CREB5: variants seen among roughly 807,000 people sequenced by gnomAD.
CREB5 encodes cyclic AMP-responsive element-binding protein 5.
Under a neutral mutation model 57.1 loss-of-function variants are expected in CREB5, and 19 were observed. That is an observed-to-expected ratio of 0.33 (90% CI 0.23 to 0.49). The LOEUF is 0.49. CREB5 is among the 20% of genes least tolerant of loss of function. The probability of loss-of-function intolerance (pLI) is 0.99; values close to 1 mark genes in which losing one functional copy is unlikely to be tolerated. For synonymous variants in CREB5, 238 were observed against 238.3 expected, an observed-to-expected ratio of 1.00 and a Z score of 0.01; for missense variants, 579 against 671.6, an observed-to-expected ratio of 0.86 and a Z score of 1.52.
chr7:28,327,072 C>T (rs1034568343), intron 1 of CREB5, among the ~76,000 whole-genome samples: 1 of 148,418 alleles, frequency 6.7e-6, no homozygotes, highest in Non-Finnish European at 1.5e-5. Flanking sequence ...TCATTTAAAC[C>T]TGGGAGGCAG....
chr7:28,647,696 T>G (rs1204766013), intron 5 of CREB5, among the ~76,000 whole-genome samples: 1 of 152,210 alleles, frequency 6.6e-6, no homozygotes, highest in Non-Finnish European at 1.5e-5. Flanking sequence ...ATTTCTTTAA[T>G]GTAGGTCAGC....
chr7:28,482,086 C>T (rs975905865), intron 1 of CREB5, among the ~76,000 whole-genome samples: 2 of 152,216 alleles, frequency 1.3e-5, no homozygotes, highest in Non-Finnish European at 2.9e-5. Flanking sequence ...CATAATACCT[C>T]TTTGAATGGT....
chr7:28,804,094 T>C, intron 7 of CREB5, 105 bp from the exon 8 acceptor site: 1 of 1,004,556 alleles, frequency 1.0e-6, no homozygotes, highest in South Asian at 1.6e-5. Context: ...AACAATAGCA[T>C]CGTAAAATAT....
intron 5 of CREB5, among the ~76,000 whole-genome samples, chr7:28,710,575 C>G (rs1031123485): frequency 1.3e-5 from 2 of 152,070 alleles, no homozygotes; most frequent in African/African-American, 4.8e-5. Flanking sequence ...ACTTCTTGCT[C>G]CCAGGAGTTT....
chr7:28,710,443 C>G (rs1278944730), intron 5 of CREB5, among the ~76,000 whole-genome samples: 1 of 152,142 alleles, frequency 6.6e-6, no homozygotes, highest in Non-Finnish European at 1.5e-5. Flanking sequence ...ATATCAGACT[C>G]ATGAAGTTTA....
chr7:28,375,741 GAAA>G (rs532292567), intron 1 of CREB5, among the ~76,000 whole-genome samples: 4 of 118,330 alleles, frequency 3.4e-5, no homozygotes, highest in Admixed American at 8.8e-5. Flanking sequence ...TTCTGTTATT[GAAA>G]AAAAAAAAAA....
Position 28,515,791 on chromosome 7 carries a change from T to G in CREB5, c.291+8054T>G, listed in dbSNP as rs113448863. On this transcript the variant is annotated intron_variant, in intron 4 of 10. Coordinates refer to ENST00000357727, the MANE Select transcript of CREB5 (RefSeq NM_182898.4). ...TGCTGCGAATTCTAAGAAGGCTATA[T>G]GACCTTTAACATAACTTTAAAGAGA... 2.8e-3 allele frequency among the ~76,000 whole-genome samples: 428 copies of G among 152,260 alleles called. 3 individuals are homozygous for G. The highest frequency in any genetic ancestry group is 9.7e-3 in the African/African-American group (401 of 41,536).
intron 4 of CREB5, among the ~76,000 whole-genome samples, chr7:28,508,270 T>C (rs1792564748): frequency 6.6e-6 from 1 of 152,240 alleles, no homozygotes; most frequent in South Asian, 2.1e-4. Flanking sequence ...AAAATCATTT[T>C]GTGAAACCCT....
At chr7:28,322,310 C>A (rs557463246) in intron 1 of CREB5, among the ~76,000 whole-genome samples, 1 of 152,224 alleles carries the variant, frequency 6.6e-6, no homozygotes, top group East Asian at 1.9e-4. Flanking sequence ...AGGTCTTACT[C>A]TTTTCCAATT....
intron 5 of CREB5, among the ~76,000 whole-genome samples, chr7:28,704,762 ACT>A (rs2128739546): frequency 6.6e-6 from 1 of 151,948 alleles, no homozygotes; most frequent in East Asian, 1.9e-4. Flanking sequence ...CAGCCGGATT[ACT>A]CTCTCTTGAT....
At chr7:28,611,458 C>G (rs1469348207) in intron 5 of CREB5, among the ~76,000 whole-genome samples, 2 of 138,044 alleles carry the variant, frequency 1.4e-5, no homozygotes, top group East Asian at 4.2e-4. Context: ...TTGAGACCAG[C>G]CTGGCCAACA....
intron 1 of CREB5, among the ~76,000 whole-genome samples, chr7:28,459,341 G>A (rs1417346044): frequency 6.6e-6 from 1 of 152,158 alleles, no homozygotes; most frequent in Non-Finnish European, 1.5e-5. Flanking sequence ...TTCTGGGTTG[G>A]AAGAGTGGGA....
At chr7:28,588,741 T>C (rs1189486413) in intron 5 of CREB5, among the ~76,000 whole-genome samples, 2 of 152,188 alleles carry the variant, frequency 1.3e-5, no homozygotes, top group East Asian at 3.9e-4. Context: ...TGACACAATG[T>C]GCGGCGATGT....
At position 28,354,155 on chromosome 7, in the gene CREB5, G is replaced by A. The variant is rs190731617; in HGVS notation, c.-25+54714G>A. 8.5e-5 allele frequency among the ~76,000 whole-genome samples: 13 copies of A among 152,276 alleles called. No individual in the cohort carries two copies. The East Asian group carries it at 2.3e-3, about 27-fold the overall frequency. On this transcript the variant is annotated intron_variant, in intron 1 of 9. Coordinates refer to the CREB5 transcript ENST00000396299. ...TTGCATGTCTAAATTAAGTATGGAA[G>A]GAAGGCGTGATGGTTAATACTGAGT...
intron 1 of CREB5, among the ~76,000 whole-genome samples, chr7:28,392,885 CCTTT>C (rs1787250046): frequency 6.6e-6 from 1 of 152,080 alleles, no homozygotes; most frequent in Non-Finnish European, 1.5e-5. Context: ...ACTCAATTGT[CCTTT>C]TTAATTAAAG....
At chr7:28,556,612 A>G (rs769785918) in intron 4 of CREB5, among the ~76,000 whole-genome samples, 1 of 152,166 alleles carries the variant, frequency 6.6e-6, no homozygotes, top group Non-Finnish European at 1.5e-5. Context: ...TTATGGATAT[A>G]CTGGTGATAA....
chr7:28,766,015 G>A (rs567688806), intron 7 of CREB5, among the ~76,000 whole-genome samples: 1 of 151,978 alleles, frequency 6.6e-6, no homozygotes, highest in Non-Finnish European at 1.5e-5. Context: ...TAATACCTTA[G>A]GCAAGTTACT....
At chr7:28,303,614 A>G (rs1262957782) in intron 1 of CREB5, among the ~76,000 whole-genome samples, 3 of 152,216 alleles carry the variant, frequency 2.0e-5, no homozygotes, top group African/African-American at 4.8e-5. Flanking sequence ...GAAGATGAAC[A>G]GGAATTTTAT....
Position 28,392,275 on chromosome 7 carries a change from A to T in CREB5, c.-25+92834A>T, listed in dbSNP as rs572831570. ...GCACAGGTACCCCTGAACCTAAAATAAAAGTTTAAAAAAATAAAGAAAAAT... is the reference window on the plus strand; with the variant it reads ...GCACAGGTACCCCTGAACCTAAAATTAAAGTTTAAAAAAATAAAGAAAAAT... On this transcript the variant is annotated intron_variant, in intron 1 of 9. Transcript: ENST00000396299. Among the ~76,000 whole-genome samples, 62 of 152,278 alleles carry T rather than the reference A, an allele frequency of 4.1e-4. No homozygotes were observed. In the South Asian group the frequency reaches 0.012, roughly 31 times the overall value.
Sources: allele counts gnomAD v4.1 joint callset (sites outside exome capture counted in the v4.1 genomes callset), GRCh38; gene constraint gnomAD v4.1.1; transcripts MANE v1.5; gene names NCBI Gene and HGNC (gene_info 2026-07-23, HGNC 2026-07-21).